MALT1: variants seen among roughly 807,000 people sequenced by gnomAD.
MALT1 encodes the protein mucosa-associated lymphoid tissue lymphoma translocation protein 1.
A neutral mutation model predicts 85.5 loss-of-function variants in MALT1; 36 were observed. That is an observed-to-expected ratio of 0.42 (90% CI 0.32 to 0.56). MALT1 has a LOEUF of 0.56. Among genes scored for constraint, MALT1 ranks in the 20% least tolerant of loss-of-function variants. The pLI, the probability that MALT1 is intolerant of heterozygous loss-of-function variation, is 0.10. For synonymous variants in MALT1, 359 were observed against 361.3 expected (o/e 0.99, Z 0.07); for missense variants, 716 against 981.6 (o/e 0.73, Z 3.62).
chr18:58,733,340 T>G, intron 10 of MALT1, 57 bp from the exon 11 acceptor site: 2 of 1,131,756 alleles, frequency 1.8e-6, no homozygotes, highest in Non-Finnish European at 2.6e-6. Context: ...GCAGTCTGTA[T>G]GTTCAGAGTG....
intron 2 of MALT1, among the ~76,000 whole-genome samples, chr18:58,684,632 G>A (rs1034897572): frequency 6.6e-5 from 10 of 151,772 alleles, no homozygotes; most frequent in Non-Finnish European, 1.2e-4. Flanking sequence ...TTTTAGTAGA[G>A]ATGGGGTTTC....
At chr18:58,730,163 A>G (rs1264759311) in intron 10 of MALT1, among the ~76,000 whole-genome samples, 6 of 152,224 alleles carry the variant, frequency 3.9e-5, no homozygotes, top group Admixed American at 3.9e-4. Context: ...TGAATACTTG[A>G]TGGAGGTGTA....
chr18:58,728,666 G>A (rs1602329293), intron 10 of MALT1, among the ~76,000 whole-genome samples: 1 of 152,142 alleles, frequency 6.6e-6, no homozygotes, highest in South Asian at 2.1e-4. Flanking sequence ...TTACACAAAA[G>A]TACTTAATTC....
rs2054800761 is a variant in MALT1, at chr18:58,709,388, T to C, written c.660T>C (p.Asp220=). The change falls in exon 5 of 17, where the codon GAT becomes GAC. Residue 220 remains aspartate, a synonymous_variant. Transcript: ENST00000649217. ...DIPESFQRSV[D]GVSESKLQIC... Reference sequence around the variant, plus strand: ...TTCTTTTAATTTAAGGAAGTGTTGATGGCGTCTCTGAATCCAAGTTGCAAA... The same window carrying C: ...TTCTTTTAATTTAAGGAAGTGTTGACGGCGTCTCTGAATCCAAGTTGCAAA... 2 of 1,584,796 alleles carry C rather than the reference T, an allele frequency of 1.3e-6. No homozygotes were observed. The highest frequency in any genetic ancestry group is 8.6e-7 in the Non-Finnish European group (1 of 1,166,920).
chr18:58,684,242 C>T (rs546342583), intron 2 of MALT1, among the ~76,000 whole-genome samples: 2 of 152,168 alleles, frequency 1.3e-5, no homozygotes, highest in African/African-American at 4.8e-5. Context: ...TCTGTGTTAC[C>T]ACTTGTGCAC....
chr18:58,682,428 A>G (rs1320085634), intron 2 of MALT1, among the ~76,000 whole-genome samples: 3 of 152,206 alleles, frequency 2.0e-5, no homozygotes, highest in Non-Finnish European at 4.4e-5. Context: ...TTCTCAACGC[A>G]TTGGTTGGTT....
Position 58,751,642 on chromosome 18 carries a change from G to A in MALT1, c.*3800G>A, listed in dbSNP as rs2055448315. On this transcript the variant is annotated 3_prime_UTR_variant, in exon 17 of 17. Transcript: ENST00000649217. Reference sequence around the variant, plus strand: ...CCAATTGCTTTGTAATATTAAAGTAGGATTTACACAAGTGGAATTTAGAAA... The same window carrying A: ...CCAATTGCTTTGTAATATTAAAGTAAGATTTACACAAGTGGAATTTAGAAA... 1 of 151,960 alleles carries A rather than the reference G, an allele frequency of 6.6e-6. No individual in the cohort carries two copies. The highest frequency in any genetic ancestry group is 2.1e-4 in the South Asian group (1 of 4,820). The allele number at this position is 151,960 out of a possible 1,614,324, so 9.4% of individuals were successfully genotyped here.
At chr18:58,745,928 CT>C in intron 16 of MALT1, 137 bp downstream of exon 16, 1 of 713,794 alleles carries the variant, frequency 1.4e-6, no homozygotes, top group Non-Finnish European at 2.2e-6. Context: ...ATCAGTGACC[CT>C]TTTTATATTC....
Position 58,750,794 on chromosome 18 carries a change from T to C in MALT1, c.*2952T>C, listed in dbSNP as rs1364034055. On this transcript the variant is annotated 3_prime_UTR_variant, in exon 17 of 17. Transcript: ENST00000649217. Reference sequence around the variant, plus strand: ...TCTTAGAAGAAAACAGAAGTAAATCTTTGTGATGTTGGGCTTAGGAATGGT... The same window carrying C: ...TCTTAGAAGAAAACAGAAGTAAATCCTTGTGATGTTGGGCTTAGGAATGGT... The C allele has an allele frequency of 1.3e-5, 2 of 152,160 alleles. No homozygotes were observed. The highest frequency in any genetic ancestry group is 4.8e-5 in the African/African-American group (2 of 41,430). 9.4% of individuals were successfully genotyped at this position (152,160 alleles called of 1,614,324 possible).
At chr18:58,675,916 A>T (rs753665806) in intron 1 of MALT1, among the ~76,000 whole-genome samples, 1 of 152,208 alleles carries the variant, frequency 6.6e-6, no homozygotes, top group African/African-American at 2.4e-5. Context: ...GTCTTCCCTT[A>T]TAAACCTCTT....
rs749085212 is a variant in MALT1, at chr18:58,741,995, A to C, written c.1734A>C (p.Leu578=). 1 of 1,538,730 alleles carries C rather than the reference A, an allele frequency of 6.5e-7. No individual in the cohort carries two copies. Among genetic ancestry groups the C allele is most frequent in the Non-Finnish European group, 8.9e-7 (1 of 1,125,974 alleles). ...CTGCTGAATCTCTTGTGCGGAATCT[A>C]CAGTGGGCCAAGGCTCATGGTACGG... is the stretch of plus-strand genomic sequence containing the variant. ...EYSAESLVRN[L]QWAKAHELPE... Residue 578 remains leucine, a synonymous_variant, in exon 14 of 17, where the codon CTA becomes CTC. Coordinates refer to ENST00000649217, the MANE Select transcript of MALT1 (RefSeq NM_006785.4).
intron 1 of MALT1, among the ~76,000 whole-genome samples, chr18:58,675,961 C>T (rs1303015902): frequency 6.6e-6 from 1 of 152,114 alleles, no homozygotes; most frequent in Non-Finnish European, 1.5e-5. Flanking sequence ...TTGTTCAGTC[C>T]AAAAACTTCG....
intron 10 of MALT1, among the ~76,000 whole-genome samples, chr18:58,725,481 C>G (rs533206930): frequency 2.6e-4 from 40 of 152,088 alleles, no homozygotes; most frequent in Non-Finnish European, 5.1e-4. Context: ...AAAGGATACT[C>G]AACCTGTATT....
At chr18:58,674,869 C>G (rs1289069987) in intron 1 of MALT1, among the ~76,000 whole-genome samples, 2 of 152,046 alleles carry the variant, frequency 1.3e-5, no homozygotes, top group African/African-American at 4.8e-5. Flanking sequence ...CTTCTCTTCA[C>G]TTTTTTTTCT....
In MALT1 at chr18:58,700,459, TC is replaced by T; in HGVS notation, c.518del (p.Ser173Ter). On this transcript the variant is annotated frameshift_variant, in exon 4 of 17. Coordinates refer to ENST00000649217, the MANE Select transcript of MALT1 (RefSeq NM_006785.4). LOFTEE classifies it high-confidence loss of function. ...MNKEIPNGNT[S>X]ELIFNAVHVK... is the part of the protein sequence containing the mutation. Reference sequence around the variant, plus strand: ...TTCACAGATTCCAAATGGAAATACATCAGAGCTTATTTTTAATGCAGTGCAT... The same window carrying T: ...TTCACAGATTCCAAATGGAAATACATAGAGCTTATTTTTAATGCAGTGCAT... 1 of 1,603,242 alleles carries T rather than the reference TC, an allele frequency of 6.2e-7. No individual in the cohort carries two copies. The highest frequency in any genetic ancestry group is 1.8e-5 in the Admixed American group (1 of 57,006).
At chr18:58,742,405 A>G (rs2055313395) in intron 14 of MALT1, among the ~76,000 whole-genome samples, 1 of 152,156 alleles carries the variant, frequency 6.6e-6, no homozygotes, top group African/African-American at 2.4e-5. Context: ...ACATGTAAAT[A>G]AGAAATGGTA....
In MALT1 at chr18:58,700,189, A is replaced by G. The variant is rs80227216; in HGVS notation, c.499-252A>G. Among the ~76,000 whole-genome samples the G allele has an allele frequency of 1.6e-3, 246 of 152,362 alleles. 7 individuals carry two copies. In the East Asian group the frequency reaches 0.04, roughly 25 times the overall value. On this transcript the variant is annotated intron_variant, in intron 3 of 16. Coordinates refer to ENST00000649217, the MANE Select transcript of MALT1 (RefSeq NM_006785.4). ...ATGCCAGAGCAAATAGTTTTCTGTT[A>G]GTGAGCCTTTGGAAGATGTTTGGGG...
intron 10 of MALT1, among the ~76,000 whole-genome samples, chr18:58,723,826 GT>G (rs1170096811): frequency 6.6e-6 from 1 of 152,102 alleles, no homozygotes; most frequent in African/African-American, 2.4e-5. Context: ...AATATTTAAT[GT>G]TTTTTCCCCA....
At chr18:58,705,322 G>GTGTGTGTGTGTGTGTA (rs1555685559) in intron 4 of MALT1, among the ~76,000 whole-genome samples, 10 of 148,142 alleles carry the variant, frequency 6.8e-5, no homozygotes, top group African/African-American at 2.2e-4. Context: ...GTGTGTGTGT[G>GTGTGTGTGTGTGTGTA]TATTTATTTT....
Sources: allele counts gnomAD v4.1 joint callset (sites outside exome capture counted in the v4.1 genomes callset), GRCh38; gene constraint gnomAD v4.1.1; transcripts MANE v1.5; gene names NCBI Gene and HGNC (gene_info 2026-07-23, HGNC 2026-07-21).